The following AGAP1 variants were observed in gnomAD, a reference collection of about 807,000 sequenced individuals.
AGAP1 encodes the protein ArfGAP with GTPase domain, ankyrin repeat and PH domain 1.
A neutral mutation model predicts 105.3 loss-of-function variants in AGAP1; 29 were observed. That is an observed-to-expected ratio of 0.28 (90% CI 0.21 to 0.38). The LOEUF (loss-of-function observed/expected upper bound fraction) is 0.38, where lower values mean the gene tolerates loss of function less well. AGAP1 is among the 10% of genes least tolerant of loss of function. The probability of loss-of-function intolerance (pLI) is 1.00; values close to 1 mark genes in which losing one functional copy is unlikely to be tolerated. For missense variants in AGAP1, 998 were observed against 1,165.1 expected, an observed-to-expected ratio of 0.86 and a Z score of 2.09; for synonymous variants, 509 against 485.9, an observed-to-expected ratio of 1.05 and a Z score of -0.63.
rs1201273498 is a variant in AGAP1, at chr2:236,056,537, G to A, written c.2114+7256G>A. Among the ~76,000 whole-genome samples the A allele has an allele frequency of 6.6e-6, 1 of 152,148 alleles. No homozygotes were observed. The highest frequency in any genetic ancestry group is 2.4e-5 in the African/African-American group (1 of 41,428). Reference sequence around the variant, plus strand: ...AGTGTATGAAGGAATGGAATGGGAAGATTAACCTTTTTAGGCTTGAATTAT... The same window carrying A: ...AGTGTATGAAGGAATGGAATGGGAAAATTAACCTTTTTAGGCTTGAATTAT... On this transcript the variant is annotated intron_variant, in intron 16 of 17. Transcript: ENST00000304032. The surrounding 1 kb of genome is among the most constrained non-coding windows in gnomAD (Gnocchi z 4.6).
At chr2:235,980,213 C>T (rs1414813469) in intron 13 of AGAP1, among the ~76,000 whole-genome samples, 1 of 152,228 alleles carries the variant, frequency 6.6e-6, no homozygotes, top group Non-Finnish European at 1.5e-5. Flanking sequence ...GTCAATTATG[C>T]ATGGCCCCTG....
chr2:235,884,152 G>C (rs1242172225), intron 10 of AGAP1, among the ~76,000 whole-genome samples: 1 of 152,182 alleles, frequency 6.6e-6, no homozygotes, highest in African/African-American at 2.4e-5. Context: ...ACTTGATGCA[G>C]AGAAATGTGT....
In AGAP1 at chr2:235,882,337, C is replaced by T. The variant is rs956866378; in HGVS notation, c.1051-1008C>T. ...ATCACAACTGGGGTCTTAAGGATGA[C>T]GAGGGCAGGAAATCCTCCGGGCTCT... On this transcript the variant is annotated intron_variant, in intron 9 of 17. Coordinates refer to ENST00000304032, the MANE Select transcript of AGAP1 (RefSeq NM_001037131.3). The surrounding 1 kb of genome is among the most constrained non-coding windows in gnomAD (Gnocchi z 4.6). 1.3e-5 allele frequency: 14 copies of T among 1,092,056 alleles called. No homozygotes were observed. The highest frequency in any genetic ancestry group is 1.1e-4 in the Admixed American group (5 of 47,594). 67.6% of individuals were successfully genotyped at this position (1,092,056 alleles called of 1,614,324 possible). A position where few individuals can be genotyped will look rare whatever the true frequency, so the allele number is the denominator to read the frequency against.
intron 9 of AGAP1, among the ~76,000 whole-genome samples, chr2:235,823,002 G>A (rs2106297766): frequency 6.6e-6 from 1 of 152,286 alleles, no homozygotes; most frequent in Non-Finnish European, 1.5e-5. Context: ...TTTAGGTAAA[G>A]AAGCTTCACA....
rs745943439 is a variant in AGAP1 at position 235,995,651 on chromosome 2, C to CA, written c.1645+27029dup. On this transcript the variant is annotated intron_variant, in intron 13 of 17. Transcript: ENST00000304032. The stretch of plus-strand genomic sequence containing the variant: ...AGACAACCTTAGCAGGGCAGCTTGA[C>CA]ACTGCGGGTCCGATTCTGCCATCAA... Among the ~76,000 whole-genome samples the CA allele has an allele frequency of 5.9e-5, 9 of 152,336 alleles. 1 individual carries two copies. The East Asian group carries it at 9.6e-4, about 16-fold the overall frequency.
chr2:235,509,968 C>T (rs959644324), intron 1 of AGAP1, among the ~76,000 whole-genome samples: 26 of 152,154 alleles, frequency 1.7e-4, no homozygotes, highest in African/African-American at 6.3e-4. Context: ...GCGCACAAAC[C>T]CTGCTGTGAA....
Position 235,973,277 on chromosome 2 carries a change from T to A in AGAP1, c.1645+4654T>A, listed in dbSNP as rs1330309642. Among the ~76,000 whole-genome samples the A allele has an allele frequency of 6.6e-6, 1 of 152,222 alleles. No individual in the cohort carries two copies. Among genetic ancestry groups the A allele is most frequent in the Non-Finnish European group, 1.5e-5 (1 of 68,038 alleles). ...CAGACCCCAGCCCAGGGAGAGCATT[T>A]ATTTTCTTAGGTTTACCATTTAAAA... On this transcript the variant is annotated intron_variant, in intron 13 of 17. Transcript: ENST00000304032. The surrounding 1 kb of genome is among the most constrained non-coding windows in gnomAD (Gnocchi z 4.7).
chr2:235,776,346 T>A (rs1295636791), intron 6 of AGAP1, among the ~76,000 whole-genome samples: 1 of 152,186 alleles, frequency 6.6e-6, no homozygotes, highest in East Asian at 1.9e-4. Flanking sequence ...TCCTCCTCAG[T>A]CACTGAGACT....
In AGAP1 at chr2:235,569,280, A is replaced by G. The variant is rs1445769742; in HGVS notation, c.163+74431A>G. Among the ~76,000 whole-genome samples, 1 of 152,090 alleles carries G rather than the reference A, an allele frequency of 6.6e-6. No homozygotes were observed. Among genetic ancestry groups the G allele is most frequent in the East Asian group, 1.9e-4 (1 of 5,154 alleles). On this transcript the variant is annotated intron_variant, in intron 1 of 17. Coordinates refer to ENST00000304032, the MANE Select transcript of AGAP1 (RefSeq NM_001037131.3). The surrounding 1 kb of genome is among the most constrained non-coding windows in gnomAD (Gnocchi z 5.9). Reference sequence around the variant, plus strand: ...TAGTGACCCAAGATCACGCCATTGCACTCCAGCCTGGGCGACAGAGCGAGA... The same window carrying G: ...TAGTGACCCAAGATCACGCCATTGCGCTCCAGCCTGGGCGACAGAGCGAGA...
At position 235,953,096 on chromosome 2, in the gene AGAP1, T is replaced by C. The variant is rs1257941057; in HGVS notation, c.1484-15366T>C. On this transcript the variant is annotated intron_variant, in intron 12 of 17. Coordinates refer to ENST00000304032, the MANE Select transcript of AGAP1 (RefSeq NM_001037131.3). The surrounding 1 kb of genome is among the most constrained non-coding windows in gnomAD (Gnocchi z 5.2). ...ACTGGGACATGCCACCCACCTCCAATAAAGGCTTGGGAGTCGCAAGGATCC... is the reference window on the plus strand; with the variant it reads ...ACTGGGACATGCCACCCACCTCCAACAAAGGCTTGGGAGTCGCAAGGATCC... 6.6e-6 allele frequency among the ~76,000 whole-genome samples: 1 copy of C among 152,298 alleles called. No individual in the cohort carries two copies. The highest frequency in any genetic ancestry group is 1.9e-4 in the East Asian group (1 of 5,180).
At chr2:235,681,190 T>A (rs990703341) in intron 1 of AGAP1, among the ~76,000 whole-genome samples, 3 of 152,254 alleles carry the variant, frequency 2.0e-5, no homozygotes, top group African/African-American at 4.8e-5. Flanking sequence ...TTTGTATTTT[T>A]AGTAGAGACG....
chr2:236,091,414 A>G (rs1452904107), intron 16 of AGAP1, among the ~76,000 whole-genome samples: 1 of 152,188 alleles, frequency 6.6e-6, no homozygotes, highest in Admixed American at 6.5e-5. Flanking sequence ...AGTTTCTTAT[A>G]AAACTAAACG....
rs1463395044 is a variant in AGAP1, at chr2:236,092,039, G to T, written c.2115-28153G>T. Among the ~76,000 whole-genome samples the T allele has an allele frequency of 1.3e-5, 2 of 152,202 alleles. No individual in the cohort carries two copies. The highest frequency in any genetic ancestry group is 1.9e-4 in the East Asian group (1 of 5,196). On this transcript the variant is annotated intron_variant, in intron 16 of 17. Transcript: ENST00000304032. This position sits in a 1 kb window ranked among gnomAD's most constrained non-coding sequence, Gnocchi z 4.7. ...TGTCCCAAAAGATTACGTGCTGTAG[G>T]ATTCCATTTATGTATCACTGTTGAT...
At chr2:235,567,889 G>A (rs1944398301) in intron 1 of AGAP1, among the ~76,000 whole-genome samples, 1 of 152,156 alleles carries the variant, frequency 6.6e-6, no homozygotes, top group South Asian at 2.1e-4. Flanking sequence ...TCAATATGCG[G>A]AGGGGCTTGA....
intron 1 of AGAP1, among the ~76,000 whole-genome samples, chr2:235,520,003 A>G (rs550805619): frequency 1.3e-5 from 2 of 152,224 alleles, no homozygotes; most frequent in African/African-American, 4.8e-5. Context: ...GCTGGTTTCG[A>G]ACTACTGACC....
intron 11 of AGAP1, among the ~76,000 whole-genome samples, chr2:235,923,088 G>A (rs779749459): frequency 1.3e-5 from 2 of 152,182 alleles, no homozygotes; most frequent in African/African-American, 2.4e-5. Flanking sequence ...CAGCTGATCC[G>A]TAGATGGGGT....
At chr2:235,500,347 C>G (rs554354670) in intron 1 of AGAP1, among the ~76,000 whole-genome samples, 2 of 152,184 alleles carry the variant, frequency 1.3e-5, no homozygotes, top group South Asian at 2.1e-4. Context: ...CGGCCCCTCC[C>G]ATACCTCCCG....
intron 6 of AGAP1, among the ~76,000 whole-genome samples, chr2:235,791,008 A>G (rs930832834): frequency 6.6e-6 from 1 of 152,236 alleles, no homozygotes; most frequent in Non-Finnish European, 1.5e-5. Flanking sequence ...AGAGACCATC[A>G]TGGATGTGTG....
In AGAP1 at chr2:235,991,564, G is replaced by T. The variant is rs188215106; in HGVS notation, c.1645+22941G>T. 6.4e-4 allele frequency among the ~76,000 whole-genome samples: 98 copies of T among 152,318 alleles called. No homozygotes were observed. In the Middle Eastern group the frequency reaches 0.01, roughly 16 times the overall value. On this transcript the variant is annotated intron_variant, in intron 13 of 17. Coordinates refer to ENST00000304032, the MANE Select transcript of AGAP1 (RefSeq NM_001037131.3). ...ACCTCTTAAAAAAGGAAAGAAAATG[G>T]TTTTTTAAATCATTTCATTTCGTAT... is the stretch of plus-strand genomic sequence containing the variant.
Sources: allele counts gnomAD v4.1 joint callset (sites outside exome capture counted in the v4.1 genomes callset), GRCh38; gene constraint gnomAD v4.1.1; non-coding constraint Gnocchi (gnomAD v3.1); transcripts MANE v1.5; gene names NCBI Gene and HGNC (gene_info 2026-07-23, HGNC 2026-07-21).